DLG2: variants seen among roughly 807,000 people sequenced by gnomAD.
DLG2 encodes the protein disks large homolog 2.
In DLG2, 45 loss-of-function variants were observed where a neutral mutation model predicts 132.5. That is an observed-to-expected ratio of 0.34 (90% CI 0.27 to 0.44). The LOEUF (loss-of-function observed/expected upper bound fraction) is 0.44, where lower values mean the gene tolerates loss of function less well. Among genes scored for constraint, DLG2 ranks in the 20% least tolerant of loss-of-function variants. The pLI, the probability that DLG2 is intolerant of heterozygous loss-of-function variation, is 1.00. For missense variants in DLG2, 1,045 were observed against 1,196.9 expected, an observed-to-expected ratio of 0.87 and a Z score of 1.87; for synonymous variants, 424 against 419.6, an observed-to-expected ratio of 1.01 and a Z score of -0.13.
chr11:84,704,616 A>C (rs2153747079), intron 6 of DLG2, among the ~76,000 whole-genome samples: 1 of 151,632 alleles, frequency 6.6e-6, no homozygotes, highest in Admixed American at 6.6e-5. Flanking sequence ...ATACAACCTA[A>C]ATTTTCTACA....
intron 16 of DLG2, among the ~76,000 whole-genome samples, chr11:83,868,856 A>G (rs2062896417): frequency 6.6e-6 from 1 of 152,172 alleles, no homozygotes; most frequent in African/African-American, 2.4e-5. Context: ...AAGGAAGTTG[A>G]GCATTCACAC....
At chr11:85,414,931 T>C (rs2089686472) in intron 3 of DLG2, among the ~76,000 whole-genome samples, 1 of 152,110 alleles carries the variant, frequency 6.6e-6, no homozygotes, top group Non-Finnish European at 1.5e-5. Flanking sequence ...TACATAGGTA[T>C]ACACATGCCA....
chr11:84,308,857 C>G (rs1445947807), intron 7 of DLG2, among the ~76,000 whole-genome samples: 1 of 152,234 alleles, frequency 6.6e-6, no homozygotes, highest in African/African-American at 2.4e-5. Context: ...CCCACGCTCA[C>G]CCGGAACTCA....
At chr11:85,358,243 G>A (rs936709550) in intron 3 of DLG2, among the ~76,000 whole-genome samples, 1 of 152,088 alleles carries the variant, frequency 6.6e-6, no homozygotes, top group South Asian at 2.1e-4. Context: ...TAGATACTGG[G>A]ATTTTTCACT....
chr11:85,239,568 T>C (rs2075772442), intron 4 of DLG2, among the ~76,000 whole-genome samples: 1 of 152,042 alleles, frequency 6.6e-6, no homozygotes, highest in African/African-American at 2.4e-5. Flanking sequence ...AATGTGCATA[T>C]AAGTGGACTC....
chr11:83,556,878 C>T (rs1307489145), intron 19 of DLG2, among the ~76,000 whole-genome samples: 1 of 152,122 alleles, frequency 6.6e-6, no homozygotes, highest in Non-Finnish European at 1.5e-5. Flanking sequence ...AGACAAGGAA[C>T]CAGAGGTAAA....
chr11:84,821,663 A>T (rs2153983904), intron 6 of DLG2, among the ~76,000 whole-genome samples: 1 of 151,556 alleles, frequency 6.6e-6, no homozygotes, highest in African/African-American at 2.4e-5. Flanking sequence ...AAAAAAACAA[A>T]AAAACAACTT....
intron 7 of DLG2, among the ~76,000 whole-genome samples, chr11:84,510,934 A>G (rs554188520): frequency 3.4e-4 from 51 of 152,182 alleles, no homozygotes; most frequent in Admixed American, 8.5e-4. Context: ...CAGAGGGAGG[A>G]GGGCTCCAAA....
At chr11:85,552,180 A>G (rs1206304205) in intron 3 of DLG2, among the ~76,000 whole-genome samples, 1 of 151,532 alleles carries the variant, frequency 6.6e-6, no homozygotes, top group East Asian at 1.9e-4. Context: ...CTGTGAGTAG[A>G]AAAGAAAAGC....
At chr11:84,583,126 G>A (rs990056472) in intron 6 of DLG2, among the ~76,000 whole-genome samples, 1 of 152,186 alleles carries the variant, frequency 6.6e-6, no homozygotes, top group Non-Finnish European at 1.5e-5. Flanking sequence ...CACAATGGTG[G>A]CAGATCCTAT....
rs181013054 is a variant in DLG2, at chr11:85,351,956, A to T, written c.41-66591T>A. Among the ~76,000 whole-genome samples the T allele has an allele frequency of 2.8e-3, 433 of 152,224 alleles. 2 individuals carry two copies. Among genetic ancestry groups the T allele is most frequent in the African/African-American group, 0.01 (425 of 41,546 alleles). On this transcript the variant is annotated intron_variant, in intron 3 of 27. Coordinates refer to ENST00000376104, the MANE Select transcript of DLG2 (RefSeq NM_001142699.3). ...GTTAGGGAGGATTCTCTCTTTTGCT[A>T]TTGATTGGAATAGTTTCAGAAAGAA...
intron 3 of DLG2, among the ~76,000 whole-genome samples, chr11:85,592,861 G>T (rs2079459095): frequency 6.6e-6 from 1 of 151,942 alleles, no homozygotes; most frequent in Non-Finnish European, 1.5e-5. Context: ...GCTGAGGTGG[G>T]AGGATTGCTT....
chr11:84,206,082 T>C (rs922950666), intron 8 of DLG2, among the ~76,000 whole-genome samples: 11 of 152,082 alleles, frequency 7.2e-5, no homozygotes, highest in Admixed American at 5.9e-4. Flanking sequence ...GCAGCTTAGA[T>C]GAAATACTGT....
In DLG2 at chr11:83,640,802, T is replaced by G. The variant is rs547200183; in HGVS notation, c.1826-7477A>C. Reference sequence around the variant, plus strand: ...AAACCCTTCTATCATGGAAAGACGCTAATACAGTCAGTTCCATGTTAAAAT... The same window carrying G: ...AAACCCTTCTATCATGGAAAGACGCGAATACAGTCAGTTCCATGTTAAAAT... On this transcript the variant is annotated intron_variant, in intron 18 of 27. Coordinates refer to ENST00000376104, the MANE Select transcript of DLG2 (RefSeq NM_001142699.3). 3.8e-4 allele frequency among the ~76,000 whole-genome samples: 58 copies of G among 152,320 alleles called. 1 individual carries two copies. In the South Asian group the frequency reaches 0.012, roughly 30 times the overall value.
intron 16 of DLG2, among the ~76,000 whole-genome samples, chr11:83,834,279 G>A (rs1233891561): frequency 2.6e-5 from 4 of 152,174 alleles, no homozygotes; most frequent in African/African-American, 9.7e-5. Flanking sequence ...ATTCATTTTA[G>A]GAAAATTAAC....
At chr11:84,394,124 G>A (rs981334459) in intron 7 of DLG2, among the ~76,000 whole-genome samples, 1 of 152,034 alleles carries the variant, frequency 6.6e-6, no homozygotes, top group African/African-American at 2.4e-5. Context: ...CGATCCACCC[G>A]CCTCAGCCTC....
intron 3 of DLG2, among the ~76,000 whole-genome samples, chr11:85,387,195 T>C (rs1596763829): frequency 6.6e-6 from 1 of 152,180 alleles, no homozygotes; most frequent in East Asian, 1.9e-4. Flanking sequence ...CCTTTCTTAA[T>C]GAAATATATT....
intron 3 of DLG2, among the ~76,000 whole-genome samples, chr11:85,432,379 G>T (rs570866257): frequency 6.6e-6 from 1 of 152,236 alleles, no homozygotes; most frequent in Non-Finnish European, 1.5e-5. Flanking sequence ...AAACTTCACT[G>T]AGGTAAAGCA....
In DLG2 at chr11:85,481,573, C is replaced by G. The variant is rs116676116; in HGVS notation, c.40+117084G>C. ...CTTTGCCTCAGATTCCAAAGCTAGG[C>G]CCACCCCCAATAAAGCCTAGCACCA... On this transcript the variant is annotated intron_variant, in intron 3 of 27. Coordinates refer to ENST00000376104, the MANE Select transcript of DLG2 (RefSeq NM_001142699.3). Among the ~76,000 whole-genome samples, 285 of 152,176 alleles carry G rather than the reference C, an allele frequency of 1.9e-3. 2 individuals are homozygous for G. The highest frequency in any genetic ancestry group is 6.7e-3 in the African/African-American group (277 of 41,514).
Sources: allele counts gnomAD v4.1 joint callset (sites outside exome capture counted in the v4.1 genomes callset), GRCh38; gene constraint gnomAD v4.1.1; transcripts MANE v1.5; gene names NCBI Gene and HGNC (gene_info 2026-07-23, HGNC 2026-07-21).